UST: variants seen among roughly 807,000 people sequenced by gnomAD.
UST encodes chondroitin sulfate 2-O-sulfotransferase.
Under a neutral mutation model 45.6 loss-of-function variants are expected in UST, and 21 were observed. The ratio of observed to expected loss-of-function variants is 0.46; its 90% CI spans 0.33 to 0.66. The LOEUF (loss-of-function observed/expected upper bound fraction) is 0.66, where lower values mean the gene tolerates loss of function less well. Among genes scored for constraint, UST ranks in the 30% least tolerant of loss-of-function variants. UST has a pLI of 0.02. For missense variants in UST, 463 were observed against 512.4 expected, an observed-to-expected ratio of 0.90 and a Z score of 0.93; for synonymous variants, 215 against 200.6, an observed-to-expected ratio of 1.07 and a Z score of -0.61.
At chr6:148,972,234 G>T (rs771432586) in intron 5 of UST, among the ~76,000 whole-genome samples, 3 of 152,248 alleles carry the variant, frequency 2.0e-5, no homozygotes, top group Non-Finnish European at 4.4e-5. Flanking sequence ...AACGAAATCA[G>T]CAAGAGTTGG....
intron 1 of UST, among the ~76,000 whole-genome samples, chr6:148,785,256 A>G (rs1209855486): frequency 6.6e-6 from 1 of 152,032 alleles, no homozygotes; most frequent in Non-Finnish European, 1.5e-5. Flanking sequence ...ATAGACCATT[A>G]TCTTTTATAG....
intron 1 of UST, among the ~76,000 whole-genome samples, chr6:148,857,946 C>A (rs549018001): frequency 2.7e-5 from 4 of 150,738 alleles, no homozygotes; most frequent in Non-Finnish European, 4.4e-5. Context: ...AACACTTGGG[C>A]GAAAATGAAA....
chr6:148,994,746 C>T (rs1369621288), intron 5 of UST, among the ~76,000 whole-genome samples: 1 of 152,068 alleles, frequency 6.6e-6, no homozygotes, highest in African/African-American at 2.4e-5. Flanking sequence ...TCTTTCTGTC[C>T]CCCCCACCAG....
rs941614983 is a variant in UST, at chr6:148,874,747, C to A, written c.248-12239C>A. Among the ~76,000 whole-genome samples, 3 of 152,198 alleles carry A rather than the reference C, an allele frequency of 2.0e-5. No homozygotes were observed. In the East Asian group the frequency reaches 5.8e-4, roughly 29 times the overall value. On this transcript the variant is annotated intron_variant, in intron 1 of 7. Coordinates refer to ENST00000367463, the MANE Select transcript of UST (RefSeq NM_005715.3). ...GTTTTGGGGCTGCATTAATTATAAG[C>A]AATGGAGCTGCTGGAGACATTTACA...
chr6:148,926,925 A>T (rs1779824215), intron 2 of UST, among the ~76,000 whole-genome samples: 1 of 150,562 alleles, frequency 6.6e-6, no homozygotes. Flanking sequence ...TATTCTATAT[A>T]GTTAGTAATA....
intron 1 of UST, among the ~76,000 whole-genome samples, chr6:148,770,569 T>C (rs1412141816): frequency 6.6e-6 from 1 of 152,148 alleles, no homozygotes; most frequent in Non-Finnish European, 1.5e-5. Flanking sequence ...GCAGATTTCT[T>C]ATTCACAAAC....
chr6:149,009,141 G>C (rs1032645569), intron 5 of UST, among the ~76,000 whole-genome samples: 1 of 152,226 alleles, frequency 6.6e-6, no homozygotes, highest in Admixed American at 6.5e-5. Flanking sequence ...TCCATACATA[G>C]AGCAGGATGC....
chr6:148,857,081 T>G (rs11759322), intron 1 of UST, among the ~76,000 whole-genome samples: 31,889 of 151,650 alleles, frequency 0.21, 3,572 homozygotes, highest in East Asian at 0.4. Flanking sequence ...GTATGTCATC[T>G]TAGAATTTTT....
At chr6:149,070,825 T>C (rs530394122) in intron 7 of UST, among the ~76,000 whole-genome samples, 138 of 152,322 alleles carry the variant, frequency 9.1e-4, no homozygotes, top group Non-Finnish European at 1.6e-3. Context: ...TGGAGTGCAG[T>C]GGCGCAATCT....
chr6:149,046,880 T>C (rs1282596095), intron 7 of UST, among the ~76,000 whole-genome samples: 1 of 152,230 alleles, frequency 6.6e-6, no homozygotes, highest in East Asian at 1.9e-4. Context: ...CCTTGTGAAG[T>C]GTGGCATGAG....
At chr6:148,949,253 T>C (rs1255708142) in intron 3 of UST, among the ~76,000 whole-genome samples, 1 of 151,112 alleles carries the variant, frequency 6.6e-6, no homozygotes, top group Non-Finnish European at 1.5e-5. Flanking sequence ...ATTGCGCCAC[T>C]GCACTCCAGC....
chr6:149,022,554 C>T (rs960964728), intron 7 of UST, among the ~76,000 whole-genome samples: 3 of 151,994 alleles, frequency 2.0e-5, no homozygotes, highest in Admixed American at 6.6e-5. Flanking sequence ...GAGCCAAGAT[C>T]GCGCCACTGC....
At chr6:148,953,689 G>A (rs1399379288) in intron 3 of UST, among the ~76,000 whole-genome samples, 183 bp from the exon 4 acceptor site, 2 of 150,798 alleles carry the variant, frequency 1.3e-5, no homozygotes, top group South Asian at 2.1e-4. Flanking sequence ...GGAGAATGGC[G>A]TGAACCCGGG....
intron 1 of UST, among the ~76,000 whole-genome samples, chr6:148,779,687 G>A (rs1228751542): frequency 1.3e-5 from 2 of 152,160 alleles, no homozygotes; most frequent in South Asian, 2.1e-4. Flanking sequence ...CATCATGGCT[G>A]GAAATATTAG....
chr6:148,834,246 C>T (rs1334170028), intron 1 of UST, among the ~76,000 whole-genome samples: 1 of 152,160 alleles, frequency 6.6e-6, no homozygotes, highest in Non-Finnish European at 1.5e-5. Flanking sequence ...AATCTTAATT[C>T]CTTGACCACA....
At chr6:148,979,077 G>T (rs573196028) in intron 5 of UST, among the ~76,000 whole-genome samples, 1 of 152,052 alleles carries the variant, frequency 6.6e-6, no homozygotes, top group African/African-American at 2.4e-5. Flanking sequence ...CCTCGGCCCC[G>T]CATGCACCTG....
chr6:148,807,989 T>G (rs984169960), intron 1 of UST, among the ~76,000 whole-genome samples: 5 of 152,170 alleles, frequency 3.3e-5, no homozygotes, highest in Non-Finnish European at 7.3e-5. Context: ...CAATGAATAC[T>G]TAACTGTAGG....
At chr6:149,048,501 A>AT (rs1776425722) in intron 7 of UST, among the ~76,000 whole-genome samples, 1 of 150,596 alleles carries the variant, frequency 6.6e-6, no homozygotes, top group Admixed American at 6.6e-5. Flanking sequence ...GGGCCACTGC[A>AT]TTCCAGCCTG....
intron 5 of UST, among the ~76,000 whole-genome samples, chr6:148,991,843 C>A (rs1781359782): frequency 6.6e-6 from 1 of 152,048 alleles, no homozygotes; most frequent in South Asian, 2.1e-4. Flanking sequence ...AAAGTGAATC[C>A]TTAGACTACA....
Sources: allele counts gnomAD v4.1 joint callset (sites outside exome capture counted in the v4.1 genomes callset), GRCh38; gene constraint gnomAD v4.1.1; transcripts MANE v1.5; gene names NCBI Gene and HGNC (gene_info 2026-07-23, HGNC 2026-07-21).